Variants in GPC4 observed in about 807,000 individuals in gnomAD.
The protein encoded by GPC4 is glypican-4.
A neutral mutation model predicts 35.0 loss-of-function variants in GPC4; 10 were observed. The ratio of observed to expected loss-of-function variants is 0.29; its 90% CI spans 0.18 to 0.48. GPC4 has a LOEUF of 0.48. Among genes scored for constraint, GPC4 ranks in the 20% least tolerant of loss-of-function variants. The pLI, the probability that GPC4 is intolerant of heterozygous loss-of-function variation, is 0.99. For synonymous variants in GPC4, 167 were observed against 170.2 expected, an observed-to-expected ratio of 0.98 and a Z score of 0.15; for missense variants, 322 against 451.3, an observed-to-expected ratio of 0.71 and a Z score of 2.60.
At chrX:133,386,462 TA>T (rs2068690980) in intron 1 of GPC4, among the ~76,000 whole-genome samples, 1 of 111,889 alleles carries the variant, frequency 8.9e-6, no homozygotes, top group South Asian at 3.8e-4. Flanking sequence ...GACATGATTT[TA>T]TTCTGTTTCA....
chrX:133,335,454 C>T (rs1023768133), intron 2 of GPC4, among the ~76,000 whole-genome samples: 4 of 111,325 alleles, frequency 3.6e-5, no homozygotes, highest in African/African-American at 9.8e-5. Flanking sequence ...AACACACACA[C>T]ACATACACAC....
Position 133,345,352 on chromosome X carries a change from T to C in GPC4, c.161-6011A>G, listed in dbSNP as rs143105991. On this transcript the variant is annotated intron_variant, in intron 1 of 8. Coordinates refer to ENST00000370828, the MANE Select transcript of GPC4 (RefSeq NM_001448.3). Reference sequence around the variant, plus strand: ...AACAAAGAAAGAAATGAACATCTCTTATGCTCTGATAAGCTACTGAAGTTT... The same window carrying C: ...AACAAAGAAAGAAATGAACATCTCTCATGCTCTGATAAGCTACTGAAGTTT... 5.1e-3 allele frequency among the ~76,000 whole-genome samples: 573 copies of C among 112,518 alleles called. 6 individuals are homozygous for C. The highest frequency in any genetic ancestry group is 9.2e-3 in the Middle Eastern group (2 of 218).
intron 1 of GPC4, among the ~76,000 whole-genome samples, chrX:133,369,252 A>T (rs2068602578): frequency 9.0e-6 from 1 of 111,542 alleles, no homozygotes; most frequent in Admixed American, 9.6e-5. Flanking sequence ...TATCAGTTAC[A>T]TTTGCCTCCT....
intron 1 of GPC4, among the ~76,000 whole-genome samples, chrX:133,384,757 T>TA (rs1363062184): frequency 3.6e-5 from 4 of 111,923 alleles, no homozygotes; most frequent in African/African-American, 1.3e-4. Flanking sequence ...ACCCTTCCCT[T>TA]ACGCCTCCTG....
chrX:133,401,269 T>TA (rs1286108642), intron 1 of GPC4, among the ~76,000 whole-genome samples: 1 of 111,226 alleles, frequency 9.0e-6, no homozygotes, highest in Non-Finnish European at 1.9e-5. Flanking sequence ...AAAGGAGTGA[T>TA]ACGATCTAAG....
At chrX:133,362,643 G>C (rs6654665) in intron 1 of GPC4, among the ~76,000 whole-genome samples, 6,305 of 111,589 alleles carry the variant, frequency 0.057, 434 homozygotes, top group African/African-American at 0.19. Context: ...TAATGCCCTG[G>C]TAAAGGGATG....
intron 1 of GPC4, among the ~76,000 whole-genome samples, chrX:133,404,228 T>G (rs1245807006): frequency 9.0e-6 from 1 of 110,890 alleles, no homozygotes; most frequent in Non-Finnish European, 1.9e-5. Flanking sequence ...AAGTTGAACC[T>G]AGATGTTCTA....
rs1387643729 is a variant in GPC4, at chrX:133,300,655, CAGTA to C, written c.*2208_*2211del. On this transcript the variant is annotated 3_prime_UTR_variant, in exon 9 of 9. Transcript: ENST00000370828. ...AAAAATGCAAAGAAAGAAAACAAAT[CAGTA>C]AGAGTTCAGAAGAACCTTCAAGAAT... 1 of 111,553 alleles carries C rather than the reference CAGTA, an allele frequency of 9.0e-6. No individual in the cohort carries two copies. Among genetic ancestry groups the C allele is most frequent in the East Asian group, 2.8e-4 (1 of 3,593 alleles). The allele number at this position is 111,553 out of a possible 1,213,427, so 9.2% of individuals were successfully genotyped here.
chrX:133,348,360 C>T (rs752200891), intron 1 of GPC4, among the ~76,000 whole-genome samples: 1 of 112,394 alleles, frequency 8.9e-6, no homozygotes, highest in Non-Finnish European at 1.9e-5. Flanking sequence ...TGCACATTTA[C>T]AACCACTACC....
chrX:133,305,425 C>T (rs2068286455), intron 6 of GPC4, among the ~76,000 whole-genome samples: 1 of 112,492 alleles, frequency 8.9e-6, no homozygotes, highest in African/African-American at 3.2e-5. Context: ...ACTTCTCCCT[C>T]TTTGCCTCCT....
At chrX:133,340,879 T>C (rs1057360238) in intron 1 of GPC4, among the ~76,000 whole-genome samples, 3 of 111,625 alleles carry the variant, frequency 2.7e-5, no homozygotes, top group Non-Finnish European at 5.6e-5. Flanking sequence ...TAAAGGACCA[T>C]GTAAGGAAGG....
At chrX:133,406,155 T>C (rs921817462) in intron 1 of GPC4, among the ~76,000 whole-genome samples, 9 of 112,566 alleles carry the variant, frequency 8.0e-5, no homozygotes, top group Non-Finnish European at 1.7e-4. Context: ...AAATATCACC[T>C]AGCATGTTGA....
chrX:133,358,823 C>T (rs1295580403), intron 1 of GPC4, among the ~76,000 whole-genome samples: 1 of 111,102 alleles, frequency 9.0e-6, no homozygotes, highest in Non-Finnish European at 1.9e-5. Context: ...AATAGGTCTT[C>T]CTCTACTCAG....
rs754298155 is a variant in GPC4, at chrX:133,304,712, A to C, written c.1292+13T>G. 84 of 1,208,830 alleles carry C rather than the reference A, an allele frequency of 6.9e-5. 1 individual carries two copies. The highest frequency in any genetic ancestry group is 9.3e-5 in the Non-Finnish European group (83 of 894,432). On this transcript the variant is annotated intron_variant, in intron 7 of 8. Transcript: ENST00000370828. ...GAAGGGAGAAACTTCAAATTCATTC[A>C]ACAGACACTAACCTGCTTTTGCCTT...
chrX:133,396,684 ATGT>A (rs2068744800), intron 1 of GPC4, among the ~76,000 whole-genome samples: 2 of 112,076 alleles, frequency 1.8e-5, no homozygotes, highest in African/African-American at 6.5e-5. Context: ...GATTACAGAA[ATGT>A]CTTCTATAAA....
intron 3 of GPC4, among the ~76,000 whole-genome samples, chrX:133,323,483 C>T (rs1448934222): frequency 1.8e-5 from 2 of 111,793 alleles, no homozygotes; most frequent in South Asian, 7.5e-4. Flanking sequence ...CCTGTCCCCA[C>T]CTCCCAAAAA....
chrX:133,334,875 T>C lies in GPC4; in HGVS notation c.319+4308A>G, dbSNP rs891938798. On this transcript the variant is annotated intron_variant, in intron 2 of 8. Coordinates refer to ENST00000370828, the MANE Select transcript of GPC4 (RefSeq NM_001448.3). The stretch of plus-strand genomic sequence containing the variant: ...ATCTACAGTTTGATACAGGCAGTTA[T>C]GTAGCAATGACATTACTTCATAGCT... 4.4e-5 allele frequency among the ~76,000 whole-genome samples: 5 copies of C among 112,692 alleles called. No homozygotes were observed. In the Admixed American group the frequency reaches 4.7e-4, roughly 11 times the overall value.
At chrX:133,304,068 C>T (rs934966355) in intron 7 of GPC4, among the ~76,000 whole-genome samples, 4 of 107,732 alleles carry the variant, frequency 3.7e-5, no homozygotes, top group Admixed American at 1.0e-4. Context: ...CTGAGGCAGG[C>T]GGATCACAAG....
intron 1 of GPC4, among the ~76,000 whole-genome samples, chrX:133,411,524 TTC>T (rs555582629): frequency 2.7e-5 from 3 of 111,769 alleles, no homozygotes; most frequent in African/African-American, 9.8e-5. Flanking sequence ...CCTAAATCCC[TTC>T]TCTCTTTGAA....
Sources: gnomAD v4.1 joint callset for allele counts (sites outside exome capture counted in the v4.1 genomes callset) on GRCh38, gnomAD v4.1.1 for gene constraint, MANE v1.5 for transcripts, NCBI Gene and HGNC (gene_info 2026-07-23, HGNC 2026-07-21) for gene names.